TET2: variants seen among roughly 807,000 people sequenced by gnomAD.
TET2 encodes the protein methylcytosine dioxygenase TET2.
A neutral mutation model predicts 142.9 loss-of-function variants in TET2; 299 were observed. That is an observed-to-expected ratio of 2.09 (90% confidence interval 1.90 to 2.30). The LOEUF (loss-of-function observed/expected upper bound fraction) is 2.30, where lower values mean the gene tolerates loss of function less well. Ranked by LOEUF, TET2 falls within the 30% of genes most tolerant of loss-of-function variation. The probability of loss-of-function intolerance (pLI) is 0.00; values close to 1 mark genes in which losing one functional copy is unlikely to be tolerated. For synonymous variants in TET2, 819 were observed against 849.0 expected, an observed-to-expected ratio of 0.96 and a Z score of 0.61; for missense variants, 2,418 against 2,378.0, an observed-to-expected ratio of 1.02 and a Z score of -0.35.
At chr4:105,259,579 T>C in intron 6 of TET2, 40 bp from the exon 7 acceptor site, 1 of 1,545,732 alleles carries the variant, frequency 6.5e-7, no homozygotes. Flanking sequence ...GCCTATATAA[T>C]GCTATCCATA....
At chr4:105,218,723 T>C (rs1255517297) in intron 2 of TET2, among the ~76,000 whole-genome samples, 2 of 152,102 alleles carry the variant, frequency 1.3e-5, no homozygotes, top group Non-Finnish European at 2.9e-5. Context: ...GTCTATGTCC[T>C]GTAGGTATAT....
chr4:105,233,786 A>G, intron 2 of TET2, 111 bp from the exon 3 acceptor site: 1 of 607,894 alleles, frequency 1.6e-6, no homozygotes, highest in Non-Finnish European at 2.7e-6. Context: ...ATGTCTAGGT[A>G]TTCCGATATT....
intron 1 of TET2, among the ~76,000 whole-genome samples, chr4:105,160,191 C>G (rs1181629075): frequency 6.6e-6 from 1 of 152,158 alleles, no homozygotes; most frequent in Non-Finnish European, 1.5e-5. Context: ...AACCTTCTCT[C>G]ATTTTTAATT....
chr4:105,159,385 A>G (rs1325293317), intron 1 of TET2, among the ~76,000 whole-genome samples: 1 of 151,464 alleles, frequency 6.6e-6, no homozygotes, highest in Admixed American at 6.6e-5. Flanking sequence ...ACACCCAAGT[A>G]GCTGGGATTA....
Position 105,236,968 on chromosome 4 carries a change from AAG to A in TET2, c.3030_3031del (p.Asn1011SerfsTer6). On this transcript the variant is annotated frameshift_variant, in exon 3 of 11. Transcript: ENST00000380013. LOFTEE classifies it high-confidence loss of function. Reference sequence around the variant, plus strand: ...AAAACATGGAAAAAGGTAACTAAGCAAGAGAATCCACCTGCAAGCTGTGATAA... The same window carrying A: ...AAAACATGGAAAAAGGTAACTAAGCAAGAATCCACCTGCAAGCTGTGATAA... 1 of 1,614,154 alleles carries A rather than the reference AAG, an allele frequency of 6.2e-7. No homozygotes were observed. The highest frequency in any genetic ancestry group is 8.5e-7 in the Non-Finnish European group (1 of 1,180,018).
chr4:105,275,246 A>G lies in TET2; in HGVS notation c.4736A>G (p.Tyr1579Cys). 1 of 1,552,288 alleles carries G rather than the reference A, an allele frequency of 6.4e-7. No homozygotes were observed. ...YMRRPNPVSP[Y>C]PNSSHTSDIY... is the part of the protein sequence containing the mutation. ...AGACGGCCCAATCCAGTTAGTCCTTATCCAAACTCTTCACACACTTCAGAT... is the reference window on the plus strand; with the variant it reads ...AGACGGCCCAATCCAGTTAGTCCTTGTCCAAACTCTTCACACACTTCAGAT... Residue 1579 changes from tyrosine to cysteine, a missense_variant, in exon 11 of 11, where the codon TAT (tyrosine) becomes TGT (cysteine). Coordinates refer to ENST00000380013, the MANE Select transcript of TET2 (RefSeq NM_001127208.3).
intron 8 of TET2, among the ~76,000 whole-genome samples, chr4:105,262,916 G>A (rs112723035): frequency 0.021 from 3,151 of 151,884 alleles, 39 homozygotes; most frequent in Middle Eastern, 0.054. Flanking sequence ...AACTGGGTGC[G>A]GTAGTTTATG....
chr4:105,201,490 A>G (rs1260229968), intron 2 of TET2, among the ~76,000 whole-genome samples: 3 of 152,192 alleles, frequency 2.0e-5, no homozygotes, highest in African/African-American at 7.2e-5. Context: ...TGTAGCTTCT[A>G]ATAAATAAAA....
chr4:105,234,136 G>C lies in TET2; in HGVS notation c.194G>C (p.Cys65Ser), dbSNP rs1728680599. 1.2e-6 allele frequency: 2 copies of C among 1,614,010 alleles called. No homozygotes were observed. Among genetic ancestry groups the C allele is most frequent in the Non-Finnish European group, 1.7e-6 (2 of 1,179,994 alleles). Residue 65 changes from cysteine to serine, a missense_variant, in exon 3 of 11, where the codon TGT becomes TCT. Cys to Ser is a moderately radical substitution (Grantham distance 112, BLOSUM62 -1). Coordinates refer to ENST00000380013, the MANE Select transcript of TET2 (RefSeq NM_001127208.3). Reference protein sequence around the residue: ...HSFKSYYGIPCMKGSQNSRVS... With the variant: ...HSFKSYYGIPSMKGSQNSRVS... ...TTCAAAAGTTATTATGGAATACCCT[G>C]TATGAAGGGAAGCCAGAATAGTCGT...
chr4:105,259,554 A>C (rs1730313334), intron 6 of TET2, 65 bp from the exon 7 acceptor site: 1 of 1,465,344 alleles, frequency 6.8e-7, no homozygotes, highest in South Asian at 1.4e-5. Context: ...AGACACCTAT[A>C]ATATCAGCTG....
intron 10 of TET2, among the ~76,000 whole-genome samples, chr4:105,273,273 C>T (rs1421450347): frequency 6.6e-6 from 1 of 152,186 alleles, no homozygotes; most frequent in Non-Finnish European, 1.5e-5. Context: ...TCTAAAGTAG[C>T]AAGGGCCAGG....
rs865957166 is a variant in TET2, at chr4:105,237,170, C to G, written c.3228C>G (p.Ser1076Arg). The change falls in exon 3 of 11, where the codon AGC (serine) becomes AGG (arginine). Residue 1076 changes from serine to arginine, a missense_variant. Transcript: ENST00000380013. ...AAACCACTGCTGCAGAACTTGATAGCCACACCCCAGCTTTAGAGCAGCAAA... is the reference window on the plus strand; with the variant it reads ...AAACCACTGCTGCAGAACTTGATAGGCACACCCCAGCTTTAGAGCAGCAAA... Reference protein sequence around the residue: ...TRQTTAAELDSHTPALEQQTT... With the variant: ...TRQTTAAELDRHTPALEQQTT... 1 of 1,614,136 alleles carries G rather than the reference C, an allele frequency of 6.2e-7. No homozygotes were observed. Among genetic ancestry groups the G allele is most frequent in the Non-Finnish European group, 8.5e-7 (1 of 1,180,020 alleles).
chr4:105,216,821 A>G (rs184717336), intron 2 of TET2, among the ~76,000 whole-genome samples: 1 of 152,236 alleles, frequency 6.6e-6, no homozygotes, highest in African/African-American at 2.4e-5. Flanking sequence ...ATGTATAGCT[A>G]AGTCTGTTGG....
At chr4:105,164,206 C>T (rs1449064079) in intron 1 of TET2, among the ~76,000 whole-genome samples, 1 of 152,134 alleles carries the variant, frequency 6.6e-6, no homozygotes, top group Non-Finnish European at 1.5e-5. Flanking sequence ...TACTACCCAG[C>T]CCATGGCAAC....
intron 2 of TET2, among the ~76,000 whole-genome samples, chr4:105,215,573 T>TA (rs1727442353): frequency 6.6e-6 from 1 of 152,184 alleles, no homozygotes; most frequent in South Asian, 2.1e-4. Context: ...AGAAAAGATT[T>TA]AGAGTTTTGA....
At chr4:105,239,371 T>G (rs544351428) in intron 3 of TET2, 1 of 240,614 alleles carries the variant, frequency 4.2e-6, no homozygotes, top group Non-Finnish European at 8.8e-6. Flanking sequence ...GTTTCAATAG[T>G]AGGCTGTTTA....
chr4:105,170,853 A>C (rs1203087774), intron 1 of TET2, among the ~76,000 whole-genome samples: 1 of 152,194 alleles, frequency 6.6e-6, no homozygotes, highest in South Asian at 2.1e-4. Context: ...CAACTGATTT[A>C]TAAATAGACT....
chr4:105,148,081 CA>C (rs1218261446), intron 1 of TET2, among the ~76,000 whole-genome samples: 11 of 151,950 alleles, frequency 7.2e-5, no homozygotes, highest in Non-Finnish European at 7.4e-5. Context: ...CACACACACA[CA>C]CCTCACTCGC....
chr4:105,273,388 A>C (rs1162393018), intron 10 of TET2, among the ~76,000 whole-genome samples: 1 of 152,194 alleles, frequency 6.6e-6, no homozygotes, highest in African/African-American at 2.4e-5. Context: ...TTAACAGGTA[A>C]GTGATACGAT....
Sources: allele counts gnomAD v4.1 joint callset (sites outside exome capture counted in the v4.1 genomes callset), GRCh38; gene constraint gnomAD v4.1.1; transcripts MANE v1.5; gene names NCBI Gene and HGNC (gene_info 2026-07-23, HGNC 2026-07-21).